The following RUNX2 variants were observed in gnomAD, a reference collection of about 807,000 sequenced individuals.
RUNX2 encodes the protein runt-related transcription factor 2.
In RUNX2, 10 loss-of-function variants were observed where a neutral mutation model predicts 51.7. That is an observed-to-expected ratio of 0.19 (90% CI 0.12 to 0.33). The LOEUF (loss-of-function observed/expected upper bound fraction) is 0.33. RUNX2 is among the 10% of genes least tolerant of loss of function. The pLI is 1.00. For synonymous variants in RUNX2, 276 were observed against 273.6 expected, an observed-to-expected ratio of 1.01 and a Z score of -0.09; for missense variants, 562 against 691.3, an observed-to-expected ratio of 0.81 and a Z score of 2.10.
At chr6:45,487,648 A>G (rs1038870539) in intron 5 of RUNX2, among the ~76,000 whole-genome samples, 2 of 152,184 alleles carry the variant, frequency 1.3e-5, no homozygotes, top group African/African-American at 4.8e-5. Context: ...TGATATATAT[A>G]ATATGATGTC....
intron 2 of RUNX2, among the ~76,000 whole-genome samples, chr6:45,374,314 C>T (rs12208924): frequency 0.38 from 58,501 of 152,042 alleles, 11,829 homozygotes; most frequent in Non-Finnish European, 0.45. Context: ...CAGCAGCTAA[C>T]AGTTACTGAA....
chr6:45,469,477 T>C (rs890949874), intron 5 of RUNX2, among the ~76,000 whole-genome samples: 6 of 152,230 alleles, frequency 3.9e-5, no homozygotes, highest in African/African-American at 1.2e-4. Context: ...TATAGGCCTA[T>C]GGTTTGGTCT....
intron 5 of RUNX2, among the ~76,000 whole-genome samples, chr6:45,470,892 A>G (rs144848790): frequency 1.2e-4 from 18 of 152,348 alleles, no homozygotes; most frequent in Admixed American, 4.6e-4. Context: ...CATAGAAATT[A>G]AACTGATTCA....
intron 4 of RUNX2, among the ~76,000 whole-genome samples, chr6:45,436,762 G>A (rs1320831498): frequency 6.6e-6 from 1 of 152,158 alleles, no homozygotes; most frequent in East Asian, 1.9e-4. Context: ...ATTAAGCTTT[G>A]AAAAGACTGC....
chr6:45,500,917 G>C (rs1582178691), intron 6 of RUNX2, among the ~76,000 whole-genome samples: 1 of 152,226 alleles, frequency 6.6e-6, no homozygotes, highest in East Asian at 1.9e-4. Flanking sequence ...TTGGTAGATG[G>C]AAGAACTTCC....
At chr6:45,331,204 C>T (rs1264021255) in intron 2 of RUNX2, among the ~76,000 whole-genome samples, 3 of 151,774 alleles carry the variant, frequency 2.0e-5, no homozygotes, top group Non-Finnish European at 4.4e-5. Context: ...TTGAGTTAAT[C>T]AAAAATTTTC....
At chr6:45,343,735 T>C (rs890899834) in intron 2 of RUNX2, among the ~76,000 whole-genome samples, 1 of 152,232 alleles carries the variant, frequency 6.6e-6, no homozygotes, top group African/African-American at 2.4e-5. Context: ...ATGGTGTCTC[T>C]GTCCCATGTT....
intron 5 of RUNX2, among the ~76,000 whole-genome samples, chr6:45,458,801 A>G (rs991631751): frequency 2.0e-5 from 3 of 152,202 alleles, no homozygotes; most frequent in African/African-American, 7.2e-5. Flanking sequence ...AAACATACAG[A>G]ACCTCTTGAC....
At chr6:45,527,899 G>C (rs563843534) in intron 7 of RUNX2, among the ~76,000 whole-genome samples, 19 of 152,274 alleles carry the variant, frequency 1.2e-4, no homozygotes, top group Non-Finnish European at 2.2e-4. Flanking sequence ...GTATTAGTCT[G>C]TTCTCATGCT....
At chr6:45,449,547 C>T (rs980091179) in intron 5 of RUNX2, among the ~76,000 whole-genome samples, 3 of 152,156 alleles carry the variant, frequency 2.0e-5, no homozygotes, top group Admixed American at 2.0e-4. Flanking sequence ...CCTGTTTATC[C>T]TGTTGCCGTT....
intron 5 of RUNX2, among the ~76,000 whole-genome samples, chr6:45,460,583 G>A (rs1421029659): frequency 1.3e-5 from 2 of 152,156 alleles, no homozygotes; most frequent in Non-Finnish European, 2.9e-5. Flanking sequence ...GAGCTCTTGT[G>A]CTGAACTGTT....
chr6:45,464,830 T>C (rs1216230948), intron 5 of RUNX2, among the ~76,000 whole-genome samples: 1 of 152,220 alleles, frequency 6.6e-6, no homozygotes. Flanking sequence ...CTTTTTAAAG[T>C]TGTCTGGACA....
intron 5 of RUNX2, among the ~76,000 whole-genome samples, chr6:45,482,947 T>A (rs1488325661): frequency 6.6e-6 from 1 of 152,188 alleles, no homozygotes; most frequent in Non-Finnish European, 1.5e-5. Context: ...TGATTATGAT[T>A]TTTTTCCTTT....
chr6:45,342,776 C>T (rs1790072084), intron 2 of RUNX2, among the ~76,000 whole-genome samples: 4 of 151,798 alleles, frequency 2.6e-5, no homozygotes, highest in Admixed American at 2.6e-4. Context: ...TGAACCCATA[C>T]AAAAAAATAC....
chr6:45,360,936 C>T (rs929153982), intron 2 of RUNX2, among the ~76,000 whole-genome samples: 1 of 152,076 alleles, frequency 6.6e-6, no homozygotes, highest in African/African-American at 2.4e-5. Context: ...AGACTATATG[C>T]CTCTTGAAGG....
At chr6:45,471,032 C>A (rs1247489618) in intron 5 of RUNX2, among the ~76,000 whole-genome samples, 1 of 152,158 alleles carries the variant, frequency 6.6e-6, no homozygotes, top group African/African-American at 2.4e-5. Context: ...AACGGTATAG[C>A]TTTTCAGTTT....
chr6:45,382,632 A>T (rs2150343059), intron 2 of RUNX2, among the ~76,000 whole-genome samples: 2 of 152,240 alleles, frequency 1.3e-5, no homozygotes, highest in East Asian at 3.9e-4. Context: ...AAAGAAGAGT[A>T]ACCCAGAAAG....
At chr6:45,383,564 A>G (rs565348398) in intron 2 of RUNX2, among the ~76,000 whole-genome samples, 2 of 152,338 alleles carry the variant, frequency 1.3e-5, no homozygotes, top group Admixed American at 6.5e-5. Context: ...ATATATGTCA[A>G]GGAATACCTT....
chr6:45,501,288 T>C (rs565593891), intron 6 of RUNX2, among the ~76,000 whole-genome samples: 5 of 152,366 alleles, frequency 3.3e-5, no homozygotes, highest in African/African-American at 1.2e-4. Flanking sequence ...TGTCAGTCCA[T>C]GAAAAACTCT....
Sources: allele counts gnomAD v4.1 joint callset (sites outside exome capture counted in the v4.1 genomes callset), GRCh38; gene constraint gnomAD v4.1.1; transcripts MANE v1.5; gene names NCBI Gene and HGNC (gene_info 2026-07-23, HGNC 2026-07-21).